CLN6: variants seen among roughly 807,000 people sequenced by gnomAD.
CLN6 encodes the protein ceroid-lipofuscinosis neuronal protein 6.
Under a neutral mutation model 33.3 loss-of-function variants are expected in CLN6, and 22 were observed. The ratio of observed to expected loss-of-function variants is 0.66; its 90% CI spans 0.47 to 0.94. CLN6 has a LOEUF of 0.94. CLN6 is among the 40% of genes least tolerant of loss of function. The pLI is 0.00. For synonymous variants in CLN6, 201 were observed against 174.6 expected, an observed-to-expected ratio of 1.15 and a Z score of -1.19; for missense variants, 387 against 417.1, an observed-to-expected ratio of 0.93 and a Z score of 0.63.
chr15:68,254,258 A>G (rs534672254), intron 1 of CLN6, among the ~76,000 whole-genome samples: 3 of 152,290 alleles, frequency 2.0e-5, no homozygotes, highest in South Asian at 4.1e-4. Context: ...GAGGAGAGAG[A>G]GCACGATACG....
upstream of CLN6, among the ~76,000 whole-genome samples, chr15:68,233,712 G>A (rs1046050393): frequency 4.6e-5 from 7 of 152,228 alleles, no homozygotes; most frequent in Admixed American, 2.6e-4. The surrounding 1 kb of genome is among the most constrained non-coding windows in gnomAD (Gnocchi z 4.3). Context: ...GCAGACAGAC[G>A]AAGTGGGACC....
At chr15:68,237,348 G>A (rs1892230908) in intron 1 of CLN6, among the ~76,000 whole-genome samples, 1 of 151,802 alleles carries the variant, frequency 6.6e-6, no homozygotes, top group Non-Finnish European at 1.5e-5. Flanking sequence ...ATTAGCCACT[G>A]TTGTGGCATG....
At chr15:68,254,126 G>A (rs536210875) in intron 1 of CLN6, among the ~76,000 whole-genome samples, 3 of 152,182 alleles carry the variant, frequency 2.0e-5, no homozygotes, top group African/African-American at 2.4e-5. Flanking sequence ...TGATCCGCCC[G>A]TCTCGGCCTC....
rs1892203309 is a variant in CLN6, at chr15:68,234,851, T to C, written c.180-16201A>G. 2.0e-5 allele frequency among the ~76,000 whole-genome samples: 3 copies of C among 152,108 alleles called. No individual in the cohort carries two copies. The highest frequency in any genetic ancestry group is 4.4e-5 in the Non-Finnish European group (3 of 68,022). On this transcript the variant is annotated intron_variant, in intron 1 of 6. Coordinates refer to the CLN6 transcript ENST00000538696. The surrounding 1 kb of genome is among the most constrained non-coding windows in gnomAD (Gnocchi z 4.1). ...GGCCAACATAGTGAAACTCCGTCTC[T>C]ACTAAAAATACAACAATTAGCTGGG...
intron 1 of CLN6, among the ~76,000 whole-genome samples, chr15:68,226,074 C>G (rs2093250856): frequency 6.6e-6 from 1 of 151,784 alleles, no homozygotes; most frequent in Non-Finnish European, 1.5e-5. Context: ...AATCCCAGCA[C>G]TTTGGGAGGC....
At chr15:68,214,486 C>T in intron 2 of CLN6, 98 bp from the exon 3 acceptor site, 1 of 765,624 alleles carries the variant, frequency 1.3e-6, no homozygotes, top group Non-Finnish European at 2.3e-6. Context: ...ACCCCAACTC[C>T]TTTCACCCCC....
chr15:68,255,162 G>C (rs1368797184), intron 1 of CLN6, among the ~76,000 whole-genome samples: 1 of 152,188 alleles, frequency 6.6e-6, no homozygotes, highest in East Asian at 1.9e-4. Flanking sequence ...CCCAGGAAGG[G>C]GGATTCCCTG....
In CLN6 at chr15:68,234,846, G is replaced by A. The variant is rs1005377618; in HGVS notation, c.180-16196C>T. Among the ~76,000 whole-genome samples, 23 of 152,218 alleles carry A rather than the reference G, an allele frequency of 1.5e-4. No individual in the cohort carries two copies. Among genetic ancestry groups the A allele is most frequent in the African/African-American group, 4.1e-4 (17 of 41,560 alleles). On this transcript the variant is annotated intron_variant, in intron 1 of 6. Coordinates refer to the CLN6 transcript ENST00000538696. The surrounding 1 kb of genome is among the most constrained non-coding windows in gnomAD (Gnocchi z 4.1). ...AGCCTGGCCAACATAGTGAAACTCC[G>A]TCTCTACTAAAAATACAACAATTAG...
chr15:68,249,697 A>G (rs1401913328), intron 1 of CLN6, among the ~76,000 whole-genome samples: 2 of 152,190 alleles, frequency 1.3e-5, no homozygotes, highest in African/African-American at 4.8e-5. Flanking sequence ...GGGTACAAAT[A>G]CACAGTTAGG....
chr15:68,236,069 C>T lies in CLN6; in HGVS notation c.180-17419G>A, dbSNP rs1892217605. Among the ~76,000 whole-genome samples, 1 of 152,118 alleles carries T rather than the reference C, an allele frequency of 6.6e-6. No homozygotes were observed. Among genetic ancestry groups the T allele is most frequent in the African/African-American group, 2.4e-5 (1 of 41,404 alleles). On this transcript the variant is annotated intron_variant, in intron 1 of 6. Coordinates refer to the CLN6 transcript ENST00000538696. This position sits in a 1 kb window ranked among gnomAD's most constrained non-coding sequence, Gnocchi z 4.5. ...TGTTTAAATAAATAAAACATGGTAT[C>T]ACAGGAAAAAGCAAGGGATGAAAAA...
intron 1 of CLN6, among the ~76,000 whole-genome samples, chr15:68,223,235 A>C (rs1232991517): frequency 6.6e-6 from 1 of 152,188 alleles, no homozygotes; most frequent in Non-Finnish European, 1.5e-5. Context: ...TAGGCAGAAA[A>C]GCAGGAAAGC....
chr15:68,221,599 G>A (rs2093236212), intron 1 of CLN6, among the ~76,000 whole-genome samples: 1 of 152,272 alleles, frequency 6.6e-6, no homozygotes, highest in Non-Finnish European at 1.5e-5. Context: ...CCTCCCAGCC[G>A]CCTGCCTTGG....
intron 1 of CLN6, among the ~76,000 whole-genome samples, chr15:68,255,478 A>G (rs1387536414): frequency 6.6e-6 from 1 of 152,228 alleles, no homozygotes; most frequent in Non-Finnish European, 1.5e-5. Flanking sequence ...CTCATGAAAC[A>G]TTGTTAAACA....
chr15:68,233,514 T>G (rs1195280103), upstream of CLN6, among the ~76,000 whole-genome samples: 2 of 152,180 alleles, frequency 1.3e-5, no homozygotes, highest in Non-Finnish European at 2.9e-5. The surrounding 1 kb of genome is among the most constrained non-coding windows in gnomAD (Gnocchi z 4.3). Flanking sequence ...CAGAATCCAG[T>G]CTCCACTCCT....
In CLN6 at chr15:68,208,398, G is replaced by A. The variant is rs374744816; in HGVS notation, c.678C>T (p.Thr226=). ...PSGLYYWYLV[T]EGQIFILFIF... ...TGAAGAGGATGAAGATCTGGCCCTC[G>A]GTGACCAGGTACCTGGAAAGGCCAG... The change falls in exon 7 of 7, where the codon ACC becomes ACT. Residue 226 remains threonine, a synonymous_variant. Coordinates refer to ENST00000249806, the MANE Select transcript of CLN6 (RefSeq NM_017882.3). This position sits in a 1 kb window ranked among gnomAD's most constrained non-coding sequence, Gnocchi z 5.8. The A allele has an allele frequency of 3.7e-5, 59 of 1,612,698 alleles. No individual in the cohort carries two copies. The highest frequency in any genetic ancestry group is 6.6e-5 in the South Asian group (6 of 91,036).
chr15:68,217,783 C>T (rs2093224466), intron 2 of CLN6, among the ~76,000 whole-genome samples: 1 of 152,116 alleles, frequency 6.6e-6, no homozygotes, highest in South Asian at 2.1e-4. Flanking sequence ...ACACTGTGCC[C>T]CCACTACCAA....
Position 68,229,705 on chromosome 15 carries a change from G to A in CLN6, c.-121C>T. On this transcript the variant is annotated 5_prime_UTR_variant, in exon 1 of 7. Coordinates refer to ENST00000249806, the MANE Select transcript of CLN6 (RefSeq NM_017882.3). ...GGCGGTTCGGGGCGGGCCGGCGAGA[G>A]CGCGCGGCCCTCGGGAGGAACAGGC... is the stretch of plus-strand genomic sequence containing the variant. The A allele has an allele frequency of 2.8e-6, 2 of 724,640 alleles. No homozygotes were observed. Among genetic ancestry groups the A allele is most frequent in the Non-Finnish European group, 3.9e-6 (2 of 512,426 alleles). The allele number at this position is 724,640 out of a possible 1,614,324, so 44.9% of individuals were successfully genotyped here.
chr15:68,235,583 AATAAATATATATATATATATAT>A (rs1421680177), intron 1 of CLN6, among the ~76,000 whole-genome samples: 8 of 49,254 alleles, frequency 1.6e-4, no homozygotes, highest in Non-Finnish European at 2.6e-4. Flanking sequence ...AAAAAATAAA[AATAAATATATATATATATATAT>A]ATATATATAT....
intron 1 of CLN6, among the ~76,000 whole-genome samples, chr15:68,225,833 C>T (rs766508165): frequency 9.3e-5 from 14 of 150,990 alleles, no homozygotes; most frequent in Non-Finnish European, 1.3e-4. Flanking sequence ...ATTAGATGGG[C>T]GTGATGGTGG....
Sources: gnomAD v4.1 joint callset for allele counts (sites outside exome capture counted in the v4.1 genomes callset) on GRCh38, gnomAD v4.1.1 for gene constraint, Gnocchi (gnomAD v3.1) non-coding constraint, MANE v1.5 for transcripts, NCBI Gene and HGNC (gene_info 2026-07-23, HGNC 2026-07-21) for gene names.